DNAAF5: variants seen among roughly 807,000 people sequenced by gnomAD.
The protein encoded by DNAAF5 is dynein axonemal assembly factor 5.
In DNAAF5, 64 loss-of-function variants were observed where a neutral mutation model predicts 75.8. That is an observed-to-expected ratio of 0.84 (90% CI 0.69 to 1.04). DNAAF5 has a LOEUF of 1.04. Ranked by LOEUF, DNAAF5 falls within the 50% of genes least tolerant of loss-of-function variation. The probability of loss-of-function intolerance (pLI) is 0.00; values close to 1 mark genes in which losing one functional copy is unlikely to be tolerated. For missense variants in DNAAF5, 1,269 were observed against 1,178.5 expected (o/e 1.08, Z -1.12); for synonymous variants, 657 against 557.2 (o/e 1.18, Z -2.52).
At chr7:784,411 C>T (rs1178524412) in intron 12 of DNAAF5, among the ~76,000 whole-genome samples, 3 of 152,204 alleles carry the variant, frequency 2.0e-5, no homozygotes, top group Non-Finnish European at 2.9e-5. Flanking sequence ...GCCATCTGTC[C>T]TCAAGACTGA....
intron 4 of DNAAF5, among the ~76,000 whole-genome samples, chr7:747,433 A>G (rs1461228409): frequency 0.014 from 1,361 of 95,108 alleles, no homozygotes; most frequent in Middle Eastern, 0.056. Context: ...GGGGTTTGCT[A>G]TTTTCAGCGT....
At chr7:742,235 A>T (rs573871902) in intron 4 of DNAAF5, among the ~76,000 whole-genome samples, 1 of 152,308 alleles carries the variant, frequency 6.6e-6, no homozygotes, top group East Asian at 1.9e-4. Flanking sequence ...GCATCTTCTT[A>T]AAAGTAAATA....
chr7:765,607 C>T (rs1782795709), intron 8 of DNAAF5, among the ~76,000 whole-genome samples: 1 of 152,214 alleles, frequency 6.6e-6, no homozygotes, highest in South Asian at 2.1e-4. Context: ...GAACACACAT[C>T]TCTTTGGGCC....
rs1205458263 is a variant in DNAAF5 at position 735,452 on chromosome 7, TGGTGTAGCTGCTCCC to T, written c.781-5353_781-5339del. On this transcript the variant is annotated intron_variant, in intron 2 of 12. Coordinates refer to ENST00000297440, the MANE Select transcript of DNAAF5 (RefSeq NM_017802.4). ...TCGCTGCTCACGGTGTAGTTGTTCA[TGGTGTAGCTGCTCCC>T]GGTGTAGCTGCTCATGGTGTCGTTG... is the stretch of plus-strand genomic sequence containing the variant. 4.2e-3 allele frequency among the ~76,000 whole-genome samples: 640 copies of T among 151,934 alleles called. 5 individuals are homozygous for T. Among genetic ancestry groups the T allele is most frequent in the African/African-American group, 0.014 (573 of 41,396 alleles).
At chr7:755,104 G>A (rs757505910) in intron 5 of DNAAF5, among the ~76,000 whole-genome samples, 10 of 152,052 alleles carry the variant, frequency 6.6e-5, no homozygotes, top group African/African-American at 1.2e-4. Flanking sequence ...TAGACGTGCC[G>A]TGCACCAGAC....
At chr7:782,731 C>T (rs894359639) in intron 12 of DNAAF5, among the ~76,000 whole-genome samples, 3 of 126,852 alleles carry the variant, frequency 2.4e-5, no homozygotes, top group African/African-American at 6.3e-5. Context: ...CTGGCGTGGC[C>T]GCCTCCCGTC....
At chr7:774,937 G>A (rs997515057) in intron 10 of DNAAF5, 69 bp from the exon 11 acceptor site, 43 of 1,425,720 alleles carry the variant, frequency 3.0e-5, no homozygotes, top group Admixed American at 6.7e-5. Flanking sequence ...AGGAGTGCAC[G>A]GATGGTGAGC....
chr7:764,767 C>A (rs1782769249), intron 8 of DNAAF5, among the ~76,000 whole-genome samples: 1 of 152,104 alleles, frequency 6.6e-6, no homozygotes, highest in Admixed American at 6.5e-5. Flanking sequence ...AAAACTGTTT[C>A]CAAATTAGAA....
chr7:759,619 T>A (rs1005406416), intron 6 of DNAAF5, among the ~76,000 whole-genome samples: 2 of 152,244 alleles, frequency 1.3e-5, no homozygotes, highest in Admixed American at 1.3e-4. Flanking sequence ...TGTATCTTTT[T>A]TCTTTTTCGT....
chr7:777,036 C>G (rs1490310300), intron 11 of DNAAF5, among the ~76,000 whole-genome samples: 2 of 152,222 alleles, frequency 1.3e-5, no homozygotes, highest in East Asian at 1.9e-4. Flanking sequence ...GCCTGATGAT[C>G]CGTCACTGTC....
At chr7:759,177 C>G (rs1312888204) in intron 6 of DNAAF5, among the ~76,000 whole-genome samples, 1 of 152,130 alleles carries the variant, frequency 6.6e-6, no homozygotes, top group African/African-American at 2.4e-5. Flanking sequence ...GCTATGAGAA[C>G]AGGTTGAAAA....
At chr7:763,363 G>T (rs1319490832) in intron 7 of DNAAF5, among the ~76,000 whole-genome samples, 1 of 152,188 alleles carries the variant, frequency 6.6e-6, no homozygotes. Flanking sequence ...AAAAGTAAAA[G>T]GTGGCCAAGG....
intron 2 of DNAAF5, among the ~76,000 whole-genome samples, chr7:731,785 G>T (rs1372338171): frequency 6.6e-6 from 1 of 152,098 alleles, no homozygotes; most frequent in Non-Finnish European, 1.5e-5. Context: ...TCCCAATGGG[G>T]TTTGCGTCCT....
At chr7:771,949 G>A (rs1778578298) in intron 9 of DNAAF5, 1 of 125,102 alleles carries the variant, frequency 8.0e-6, no homozygotes, top group Non-Finnish European at 1.8e-5. Context: ...ATTTTAATAG[G>A]AAAGATTTTT....
At chr7:782,301 C>G (rs549574727) in intron 12 of DNAAF5, among the ~76,000 whole-genome samples, 2 of 149,252 alleles carry the variant, frequency 1.3e-5, no homozygotes, top group African/African-American at 5.0e-5. Flanking sequence ...TCGGATCTTC[C>G]TGGCGTGGCC....
intron 4 of DNAAF5, among the ~76,000 whole-genome samples, chr7:752,037 C>T (rs993919876): frequency 4.6e-5 from 7 of 152,176 alleles, no homozygotes; most frequent in African/African-American, 1.4e-4. Context: ...GTGCAAGACT[C>T]ACAAAACCAC....
At chr7:764,048 G>A in intron 8 of DNAAF5, 74 bp downstream of exon 8, 1 of 1,519,012 alleles carries the variant, frequency 6.6e-7, no homozygotes, top group Non-Finnish European at 9.0e-7. Context: ...CAGGTGCTCA[G>A]CAGGTACCAG....
At chr7:773,542 C>T (rs574602829) in intron 9 of DNAAF5, among the ~76,000 whole-genome samples, 1 of 148,098 alleles carries the variant, frequency 6.8e-6, no homozygotes, top group Non-Finnish European at 1.5e-5. Flanking sequence ...GGTCCCCGGA[C>T]CGCGCCTGTG....
intron 4 of DNAAF5, among the ~76,000 whole-genome samples, chr7:748,511 G>A (rs577371957): frequency 6.6e-6 from 1 of 152,286 alleles, no homozygotes; most frequent in South Asian, 2.1e-4. Flanking sequence ...TCCGTGCTCT[G>A]GATGCAGGTC....
Sources: allele counts gnomAD v4.1 joint callset (sites outside exome capture counted in the v4.1 genomes callset), GRCh38; gene constraint gnomAD v4.1.1; transcripts MANE v1.5; gene names NCBI Gene and HGNC (gene_info 2026-07-23, HGNC 2026-07-21).